SORT1: variants seen among roughly 807,000 people sequenced by gnomAD.
SORT1 encodes the protein sortilin 1.
A neutral mutation model predicts 101.7 loss-of-function variants in SORT1; 39 were observed. The ratio of observed to expected loss-of-function variants is 0.38; its 90% CI spans 0.30 to 0.50. The LOEUF is 0.50. SORT1 is among the 20% of genes least tolerant of loss of function. SORT1 has a pLI of 0.90. For synonymous variants in SORT1, 396 were observed against 393.7 expected (o/e 1.01, Z -0.07); for missense variants, 878 against 1,040.4 (o/e 0.84, Z 2.15).
At chr1:109,359,354 CAT>C (rs1401570693) in intron 3 of SORT1, among the ~76,000 whole-genome samples, 3 of 152,136 alleles carry the variant, frequency 2.0e-5, no homozygotes, top group Non-Finnish European at 4.4e-5. Flanking sequence ...AAAATTTCAA[CAT>C]ATGAGTTCAG....
At chr1:109,334,536 G>A (rs541385207) in intron 11 of SORT1, among the ~76,000 whole-genome samples, 3 of 152,236 alleles carry the variant, frequency 2.0e-5, no homozygotes, top group Admixed American at 1.3e-4. Flanking sequence ...TTGGGGTATG[G>A]GGAGATGAAG....
At chr1:109,393,640 T>C (rs1449997207) in intron 1 of SORT1, among the ~76,000 whole-genome samples, 1 of 152,220 alleles carries the variant, frequency 6.6e-6, no homozygotes, top group Non-Finnish European at 1.5e-5. Context: ...GTTAAAAATG[T>C]GGCATGAAAA....
intron 15 of SORT1, among the ~76,000 whole-genome samples, chr1:109,318,351 C>T (rs1647386113): frequency 6.6e-6 from 1 of 152,116 alleles, no homozygotes; most frequent in Non-Finnish European, 1.5e-5. Flanking sequence ...AGCGTTTCAC[C>T]ATGTTGGTCA....
chr1:109,319,876 A>AAAAAG (rs1553190465), intron 15 of SORT1, among the ~76,000 whole-genome samples: 43 of 152,108 alleles, frequency 2.8e-4, no homozygotes, highest in African/African-American at 1.0e-3. Context: ...CAAAAAAAAA[A>AAAAAG]AAAAGAAAAG....
chr1:109,381,127 C>T (rs955432576), intron 1 of SORT1, among the ~76,000 whole-genome samples: 2 of 151,992 alleles, frequency 1.3e-5, no homozygotes, highest in Non-Finnish European at 2.9e-5. Context: ...TGAGAACGTC[C>T]GTATCATGTG....
chr1:109,323,510 A>C (rs1336581106), intron 14 of SORT1, among the ~76,000 whole-genome samples: 1 of 152,250 alleles, frequency 6.6e-6, no homozygotes, highest in Non-Finnish European at 1.5e-5. Context: ...ACTCAGGACC[A>C]GGGAGCTCTT....
intron 2 of SORT1, among the ~76,000 whole-genome samples, chr1:109,369,136 C>CATGGTGAAG (rs1367517932): frequency 6.6e-6 from 1 of 152,174 alleles, no homozygotes; most frequent in African/African-American, 2.4e-5. Flanking sequence ...GCCTGGCCAA[C>CATGGTGAAG]ATGGTGAAAC....
chr1:109,323,151 T>A, intron 14 of SORT1, 30 bp from the exon 15 acceptor site: 1 of 1,578,732 alleles, frequency 6.3e-7, no homozygotes, highest in South Asian at 1.1e-5. Context: ...TTCAGGAAAG[T>A]ACACAGCACA....
rs1030840571 is a variant in SORT1, at chr1:109,313,748, T to C, written c.*295A>G. 5 of 390,322 alleles carry C rather than the reference T, an allele frequency of 1.3e-5. No individual in the cohort carries two copies. The African/African-American group carries it at 1.3e-4, about 10-fold the overall frequency. 24.2% of individuals were successfully genotyped at this position (390,322 alleles called of 1,614,324 possible). A position where few individuals can be genotyped will look rare whatever the true frequency, so the allele number is the denominator to read the frequency against. ...CCCTTCGAATTCCATTTCGTTTCCC[T>C]TAAAAAACAAAAACAAAAAAGCCCA... On this transcript the variant is annotated 3_prime_UTR_variant, in exon 20 of 20. Coordinates refer to ENST00000256637, the MANE Select transcript of SORT1 (RefSeq NM_002959.7).
chr1:109,341,486 A>G (rs1649217428), intron 9 of SORT1, among the ~76,000 whole-genome samples: 1 of 151,962 alleles, frequency 6.6e-6, no homozygotes, highest in African/African-American at 2.4e-5. Flanking sequence ...AGCTGGGACT[A>G]TAGGTGCTCG....
rs563030792 is a variant in SORT1 at position 109,350,432 on chromosome 1, C to T, written c.782+497G>A. On this transcript the variant is annotated intron_variant, in intron 6 of 19. Transcript: ENST00000256637. ...ACTCCATCCTCTTTAAGCAGGCACCCGGAGGGGCAGGGAATCTCTCCGAGA... is the reference window on the plus strand; with the variant it reads ...ACTCCATCCTCTTTAAGCAGGCACCTGGAGGGGCAGGGAATCTCTCCGAGA... Among the ~76,000 whole-genome samples the T allele has an allele frequency of 3.3e-5, 5 of 152,134 alleles. No homozygotes were observed. The East Asian group carries it at 7.7e-4, about 23-fold the overall frequency.
intron 3 of SORT1, 105 bp from the exon 4 acceptor site, chr1:109,355,574 C>G: frequency 1.6e-6 from 1 of 619,294 alleles, no homozygotes; most frequent in Non-Finnish European, 2.9e-6. Context: ...TGCTGAGAGA[C>G]TCGGCTCACC....
intron 11 of SORT1, among the ~76,000 whole-genome samples, chr1:109,334,681 C>T (rs1415103109): frequency 6.6e-6 from 1 of 152,178 alleles, no homozygotes; most frequent in Non-Finnish European, 1.5e-5. Context: ...GTTCTCACCA[C>T]ACACACAAAA....
chr1:109,355,551 T>G lies in SORT1; in HGVS notation c.441-82A>C. On this transcript the variant is annotated intron_variant, in intron 3 of 19. Transcript: ENST00000256637. ...GTTCCTACTCAGCTTTCATTCTCCCTTTCCACCAATCATGCTGAGAGACTC... is the reference window on the plus strand; with the variant it reads ...GTTCCTACTCAGCTTTCATTCTCCCGTTCCACCAATCATGCTGAGAGACTC... 3 of 693,846 alleles carry G rather than the reference T, an allele frequency of 4.3e-6. No individual in the cohort carries two copies. The Admixed American group carries it at 6.2e-5, about 14-fold the overall frequency. The allele number at this position is 693,846 out of a possible 1,614,324, so 43.0% of individuals were successfully genotyped here. A position where few individuals can be genotyped will look rare whatever the true frequency, so the allele number is the denominator to read the frequency against.
At chr1:109,381,028 G>C (rs537949046) in intron 1 of SORT1, among the ~76,000 whole-genome samples, 1 of 151,968 alleles carries the variant, frequency 6.6e-6, no homozygotes, top group African/African-American at 2.4e-5. Context: ...TGAGGGCATA[G>C]GGACCAGAGC....
chr1:109,362,056 A>C (rs541906902), intron 3 of SORT1, among the ~76,000 whole-genome samples: 7 of 152,316 alleles, frequency 4.6e-5, no homozygotes, highest in African/African-American at 1.4e-4. Flanking sequence ...AAACACAAGA[A>C]GACTTTGATG....
At chr1:109,320,162 T>C (rs1204678012) in intron 15 of SORT1, among the ~76,000 whole-genome samples, 1 of 152,162 alleles carries the variant, frequency 6.6e-6, no homozygotes, top group Non-Finnish European at 1.5e-5. Context: ...TTTTTCTCTA[T>C]CTGCTCTCCC....
rs554953901 is a variant in SORT1, at chr1:109,367,217, G to C, written c.440+191C>G. 3.9e-5 allele frequency: 19 copies of C among 484,400 alleles called. No homozygotes were observed. The East Asian group carries it at 5.7e-4, about 15-fold the overall frequency. 30.0% of individuals were successfully genotyped at this position (484,400 alleles called of 1,614,324 possible). On this transcript the variant is annotated intron_variant, in intron 3 of 19. Coordinates refer to ENST00000256637, the MANE Select transcript of SORT1 (RefSeq NM_002959.7). Reference sequence around the variant, plus strand: ...ACTCCAGCCTGGGTGACAAGAGTGAGACCCTGTCTCAAAAAACAACAACAA... The same window carrying C: ...ACTCCAGCCTGGGTGACAAGAGTGACACCCTGTCTCAAAAAACAACAACAA...
chr1:109,385,336 C>G (rs1449682870), intron 1 of SORT1, among the ~76,000 whole-genome samples: 1 of 152,118 alleles, frequency 6.6e-6, no homozygotes, highest in Admixed American at 6.5e-5. Flanking sequence ...TAGGCTCATA[C>G]TGTTGACCAA....
Sources: allele counts gnomAD v4.1 joint callset (sites outside exome capture counted in the v4.1 genomes callset), GRCh38; gene constraint gnomAD v4.1.1; transcripts MANE v1.5; gene names NCBI Gene and HGNC (gene_info 2026-07-23, HGNC 2026-07-21).